The following COL9A3 variants were observed in gnomAD, a reference collection of about 807,000 sequenced individuals.
The protein encoded by COL9A3 is collagen type IX alpha 3 chain.
COL9A3 carries 82 observed loss-of-function variants against 110.2 expected under a neutral mutation model. The observed-to-expected ratio is 0.74, with a 90% CI of 0.62 to 0.89. The LOEUF (loss-of-function observed/expected upper bound fraction) is 0.89. Among genes scored for constraint, COL9A3 ranks in the 40% least tolerant of loss-of-function variants. The pLI, the probability that COL9A3 is intolerant of heterozygous loss-of-function variation, is 0.00. For synonymous variants in COL9A3, 494 were observed against 403.8 expected (o/e 1.22, Z -2.68); for missense variants, 1,066 against 981.3 (o/e 1.09, Z -1.15).
At chr20:62,818,200 A>G (rs1269094392) in intron 2 of COL9A3, among the ~76,000 whole-genome samples, 1 of 152,142 alleles carries the variant, frequency 6.6e-6, no homozygotes, top group Non-Finnish European at 1.5e-5. Flanking sequence ...GGGCCTGTCC[A>G]CGCTGTGTGG....
At chr20:62,839,314 CTCAG>C (rs2063657012) in intron 31 of COL9A3, among the ~76,000 whole-genome samples, 1 of 152,196 alleles carries the variant, frequency 6.6e-6, no homozygotes, top group African/African-American at 2.4e-5. Flanking sequence ...GTTTAAGCTA[CTCAG>C]TATCTATTTC....
chr20:62,828,485 T>A (rs548480794), intron 17 of COL9A3, among the ~76,000 whole-genome samples: 2 of 152,240 alleles, frequency 1.3e-5, no homozygotes, highest in Non-Finnish European at 2.9e-5. Context: ...AGAACCAAAC[T>A]TCCTTAGGGC....
chr20:62,825,515 G>A (rs2063545392), intron 12 of COL9A3: 1 of 533,046 alleles, frequency 1.9e-6, no homozygotes, highest in South Asian at 2.2e-5. Flanking sequence ...GTGATCAGAT[G>A]AGGAGACCCC....
chr20:62,817,200 G>C, intron 1 of COL9A3, 58 bp downstream of exon 1: 11 of 1,221,960 alleles, frequency 9.0e-6, no homozygotes, highest in Non-Finnish European at 1.0e-5. Context: ...CCCCAGCCCC[G>C]AACCCGCCAC....
At chr20:62,838,804 T>G in intron 31 of COL9A3, 43 bp downstream of exon 31, 630 of 1,422,768 alleles carry the variant, frequency 4.4e-4, no homozygotes, top group Non-Finnish European at 5.6e-4. Context: ...GTGACATCTC[T>G]TCCGCCATCT....
intron 31 of COL9A3, 133 bp downstream of exon 31, chr20:62,838,894 G>T: frequency 2.5e-6 from 2 of 799,946 alleles, no homozygotes; most frequent in Non-Finnish European, 4.3e-6. Flanking sequence ...TTAGAGACAA[G>T]ATTAGGAATT....
chr20:62,821,533 G>GAGTACTGAC lies in COL9A3; in HGVS notation c.369+5_369+13dup. 6.2e-7 allele frequency: 1 copy of GAGTACTGAC among 1,612,598 alleles called. No homozygotes were observed. Among genetic ancestry groups the GAGTACTGAC allele is most frequent in the Non-Finnish European group, 8.5e-7 (1 of 1,179,876 alleles). On this transcript the variant is annotated splice_donor_region_variant and intron_variant, in intron 7 of 31. Transcript: ENST00000649368. ...GCAAAGGCCTCCCTGGACCCCCCGT[G>GAGTACTGAC]AGTACTGACAACCCTTGGGGCCCTG...
Position 62,840,958 on chromosome 20 carries a change from TGA to T in COL9A3, c.*231_*232del. Reference sequence around the variant, plus strand: ...CTAATAAACCTGTAAGCCCAGCATTTGAGAGAAGGTAGGGTGTGTATATATAA... The same window carrying T: ...CTAATAAACCTGTAAGCCCAGCATTTGAGAAGGTAGGGTGTGTATATATAA... On this transcript the variant is annotated 3_prime_UTR_variant, in exon 32 of 32. Transcript: ENST00000649368. 1.8e-6 allele frequency: 1 copy of T among 569,214 alleles called. No individual in the cohort carries two copies. Among genetic ancestry groups the T allele is most frequent in the East Asian group, 3.0e-5 (1 of 33,192 alleles). The allele number at this position is 569,214 out of a possible 1,614,324, so 35.3% of individuals were successfully genotyped here.
chr20:62,830,317 C>T (rs373041890), intron 22 of COL9A3, 43 bp from the exon 23 acceptor site: 614 of 1,552,586 alleles, frequency 4.0e-4, no homozygotes, highest in Non-Finnish European at 5.2e-4. Context: ...GGGGACTCCT[C>T]GAACCCTGAG....
intron 10 of COL9A3, among the ~76,000 whole-genome samples, chr20:62,823,942 T>C (rs550115722): frequency 2.0e-5 from 3 of 151,840 alleles, no homozygotes; most frequent in Admixed American, 1.3e-4. Context: ...CCTGTCTGTG[T>C]CCTGTCCCAG....
chr20:62,826,903 C>T lies in COL9A3; in HGVS notation c.792+83C>T, dbSNP rs915887920. The T allele has an allele frequency of 2.5e-5, 37 of 1,479,142 alleles. No homozygotes were observed. The African/African-American group carries it at 4.3e-4, about 17-fold the overall frequency. The allele number at this position is 1,479,142 out of a possible 1,614,324, so 91.6% of individuals were successfully genotyped here. On this transcript the variant is annotated intron_variant, in intron 15 of 31. Coordinates refer to ENST00000649368, the MANE Select transcript of COL9A3 (RefSeq NM_001853.4). ...CTGCTCCTCTCAGACGCCCCCAGCC[C>T]CACTGGGGCCCCTCTTCTGTGGCTG...
chr20:62,828,692 C>G, intron 17 of COL9A3, 72 bp from the exon 18 acceptor site: 4 of 1,550,688 alleles, frequency 2.6e-6, no homozygotes, highest in Non-Finnish European at 3.6e-6. Flanking sequence ...AGGAGGCTGC[C>G]CCCAGGGCAG....
intron 2 of COL9A3, 93 bp from the exon 3 acceptor site, chr20:62,818,425 T>G (rs776391122): frequency 2.3e-5 from 29 of 1,251,758 alleles, no homozygotes; most frequent in Non-Finnish European, 3.2e-5. Context: ...CCTCTGGGGC[T>G]GATTTGGAGG....
chr20:62,820,618 A>G (rs756336971), intron 5 of COL9A3, among the ~76,000 whole-genome samples: 1 of 152,152 alleles, frequency 6.6e-6, no homozygotes, highest in Non-Finnish European at 1.5e-5. Context: ...AGCTGAAAAC[A>G]GGAGGGAAAC....
At chr20:62,823,445 G>T (rs1420668623) in intron 10 of COL9A3, among the ~76,000 whole-genome samples, 1 of 152,232 alleles carries the variant, frequency 6.6e-6, no homozygotes, top group Non-Finnish European at 1.5e-5. Context: ...AGAGAGGTTT[G>T]ATAGTTTTGA....
chr20:62,821,560 G>A, intron 7 of COL9A3, 30 bp downstream of exon 7: 1 of 1,612,726 alleles, frequency 6.2e-7, no homozygotes. Context: ...GGGGCCCTGA[G>A]CAAGCACGCA....
chr20:62,817,166 A>C (rs1226692407), intron 1 of COL9A3, 24 bp downstream of exon 1: 3 of 1,367,932 alleles, frequency 2.2e-6, no homozygotes, highest in Non-Finnish European at 2.8e-6. Context: ...CCGGGCTCTG[A>C]GGCTGGACGT....
chr20:62,821,034 G>A (rs1206711914), intron 5 of COL9A3, 147 bp from the exon 6 acceptor site: 4 of 814,652 alleles, frequency 4.9e-6, no homozygotes, highest in Middle Eastern at 2.3e-4. Flanking sequence ...AGGTCAAGAG[G>A]GCTCAGAGGC....
chr20:62,833,639 G>A (rs866977251), intron 26 of COL9A3, among the ~76,000 whole-genome samples: 2 of 151,932 alleles, frequency 1.3e-5, no homozygotes, highest in Admixed American at 6.6e-5. Flanking sequence ...TCCTGACCTC[G>A]TGATCATCCC....
Sources: allele counts gnomAD v4.1 joint callset (sites outside exome capture counted in the v4.1 genomes callset), GRCh38; gene constraint gnomAD v4.1.1; transcripts MANE v1.5; gene names NCBI Gene and HGNC (gene_info 2026-07-23, HGNC 2026-07-21).